CDK11B: variants seen among roughly 807,000 people sequenced by gnomAD.
The protein encoded by CDK11B is cyclin-dependent kinase 11B.
Under a neutral mutation model 84.0 loss-of-function variants are expected in CDK11B, and 37 were observed. That is an observed-to-expected ratio of 0.44 (90% CI 0.34 to 0.58). The LOEUF is 0.58. Ranked by LOEUF, CDK11B falls within the 20% of genes least tolerant of loss-of-function variation. The pLI is 0.02. For missense variants in CDK11B, 427 were observed against 834.0 expected (o/e 0.51, Z 6.01); for synonymous variants, 269 against 309.8 (o/e 0.87, Z 1.38).
intron 4 of CDK11B, among the ~76,000 whole-genome samples, chr1:1,651,302 G>A (rs1641969269): frequency 6.6e-6 from 1 of 152,210 alleles, no homozygotes; most frequent in African/African-American, 2.4e-5. Flanking sequence ...AAACCCCAGA[G>A]GAAAAATGGA....
At chr1:1,639,997 CAGCAG>C (rs1269348637) in intron 11 of CDK11B, among the ~76,000 whole-genome samples, 6 of 151,666 alleles carry the variant, frequency 4.0e-5, no homozygotes, top group Non-Finnish European at 7.4e-5. Context: ...GCAACTCGGG[CAGCAG>C]TGACAGCAGC....
At chr1:1,641,393 C>T (rs1227381471) in intron 9 of CDK11B, among the ~76,000 whole-genome samples, 1 of 148,050 alleles carries the variant, frequency 6.8e-6, no homozygotes. Flanking sequence ...CCTGTACTCC[C>T]AGCTACTTGG....
At chr1:1,636,604 G>C in intron 17 of CDK11B, 78 bp downstream of exon 17, 5 of 1,596,336 alleles carry the variant, frequency 3.1e-6, no homozygotes, top group Non-Finnish European at 3.4e-6. Flanking sequence ...TCTCAACCCA[G>C]CACCTGTGCG....
At chr1:1,641,164 C>T (rs903070122) in intron 9 of CDK11B, 51 bp from the exon 10 acceptor site, 1 of 1,518,048 alleles carries the variant, frequency 6.6e-7, no homozygotes, top group African/African-American at 1.4e-5. Context: ...GCGAGTGCTG[C>T]CACAGGCAGG....
intron 11 of CDK11B, 104 bp from the exon 12 acceptor site, chr1:1,638,694 C>T: frequency 1.6e-6 from 2 of 1,262,486 alleles, no homozygotes; most frequent in Non-Finnish European, 2.3e-6. Flanking sequence ...AGGTGCAGGG[C>T]AGAGCCTTGG....
At position 1,640,250 on chromosome 1, in the gene CDK11B, T is replaced by C. The variant is rs78361857; in HGVS notation, c.1251+27A>G. 3,925 of 1,602,212 alleles carry C rather than the reference T, an allele frequency of 2.4e-3. 109 individuals carry two copies. Among genetic ancestry groups the C allele is most frequent in the South Asian group, 0.022 (1,983 of 88,888 alleles). On this transcript the variant is annotated intron_variant, in intron 11 of 19. Transcript: ENST00000341832. ...TAACTCCGACTGCCAATGCGGACAGTGGCCCGGGGCGAGGGGAGGGCCTGA... is the reference window on the plus strand; with the variant it reads ...TAACTCCGACTGCCAATGCGGACAGCGGCCCGGGGCGAGGGGAGGGCCTGA...
rs1187499198 is a variant in CDK11B, at chr1:1,639,794, C to T, written c.1251+483G>A. ...CTTCTCAGGCTTGTCCCTTCCAAAT[C>T]GCTCCCAACAATATCCTGCCTTATT... On this transcript the variant is annotated intron_variant, in intron 11 of 19. Coordinates refer to ENST00000341832, the MANE Select transcript of CDK11B (RefSeq NM_033486.3). 3.9e-5 allele frequency among the ~76,000 whole-genome samples: 6 copies of T among 152,084 alleles called. 1 individual carries two copies. The highest frequency in any genetic ancestry group is 5.9e-5 in the Non-Finnish European group (4 of 67,952).
At chr1:1,639,844 C>A (rs1393310794) in intron 11 of CDK11B, among the ~76,000 whole-genome samples, 2 of 151,978 alleles carry the variant, frequency 1.3e-5, no homozygotes, top group East Asian at 3.9e-4. Flanking sequence ...CAAAAGGCTT[C>A]TGGTCACACA....
chr1:1,652,868 G>T (rs1282906028), intron 3 of CDK11B, among the ~76,000 whole-genome samples: 1 of 152,026 alleles, frequency 6.6e-6, no homozygotes, highest in Non-Finnish European at 1.5e-5. Flanking sequence ...TGGGACTACA[G>T]GCGCCCGCCG....
At position 1,640,518 on chromosome 1, in the gene CDK11B, G is replaced by A. The variant is rs1372611635; in HGVS notation, c.1076-66C>T. The A allele has an allele frequency of 1.8e-5, 29 of 1,610,828 alleles. 1 individual carries two copies. Among genetic ancestry groups the A allele is most frequent in the South Asian group, 6.6e-5 (6 of 90,634 alleles). On this transcript the variant is annotated intron_variant, in intron 10 of 19. Coordinates refer to ENST00000341832, the MANE Select transcript of CDK11B (RefSeq NM_033486.3). The stretch of plus-strand genomic sequence containing the variant: ...AGGATCATGAACCTCCTCCTGCCCC[G>A]GGGGCATCAAGCGCGTGGCAGGGCT...
chr1:1,637,475 G>T lies in CDK11B; in HGVS notation c.1503C>A (p.Ile501=). 6.2e-7 allele frequency: 1 copy of T among 1,613,692 alleles called. No homozygotes were observed. The highest frequency in any genetic ancestry group is 8.5e-7 in the Non-Finnish European group (1 of 1,179,672). ...GGTCGTGCTCCACATAGTTCATCAC[G>T]ATGTAGATCTTGTCCATGTTGCTGC... ...VVGSNMDKIY[I]VMNYVEHDLK... The change falls in exon 14 of 20, where the codon ATC becomes ATA. Residue 501 remains isoleucine, a synonymous_variant. Transcript: ENST00000341832.
chr1:1,649,257 G>A (rs1641583377), intron 5 of CDK11B, among the ~76,000 whole-genome samples: 1 of 152,064 alleles, frequency 6.6e-6, no homozygotes. Context: ...CCGCCACCAT[G>A]CCCAGCTAAT....
At chr1:1,658,782 T>G (rs1344380701) in intron 1 of CDK11B, 132 bp downstream of exon 1, 6 of 153,400 alleles carry the variant, frequency 3.9e-5, no homozygotes, top group Admixed American at 3.3e-4. Context: ...GGGATGAGAC[T>G]GTCCGCGGAA....
intron 4 of CDK11B, among the ~76,000 whole-genome samples, chr1:1,650,959 A>G (rs1400314579): frequency 6.6e-6 from 1 of 152,228 alleles, no homozygotes; most frequent in Admixed American, 6.5e-5. Context: ...TGAATAAACT[A>G]TAATTATCAG....
Position 1,636,914 on chromosome 1 carries a change from G to A in CDK11B, c.1783C>T (p.Leu595=), listed in dbSNP as rs368408810. Residue 595 remains leucine (L), a synonymous_variant, in exon 16 of 20, where the codon CTG becomes TTG. Transcript: ENST00000341832. ...VVTLWYRAPE[L]LLGAKEYSTA... is the part of the protein sequence containing the mutation. The stretch of plus-strand genomic sequence containing the variant: ...GGACTCACCTTGGCACCAAGCAGCA[G>A]CTCTGGGGCGCGGTACCACAGGGTC... 5 of 1,606,072 alleles carry A rather than the reference G, an allele frequency of 3.1e-6. No individual in the cohort carries two copies. The African/African-American group carries it at 5.3e-5, about 17-fold the overall frequency.
rs749127161 is a variant in CDK11B at position 1,636,380 on chromosome 1, C to T, written c.2019G>A (p.Lys673=). The part of the protein sequence containing the change: ...FSEHPYNNLR[K]RFGALLSDQG... Reference sequence around the variant, plus strand: ...GGTCTGAGAGCAGAGCCCCGAAGCGCTTGCGGAGGTTGTTGTAGGGGTGCT... The same window carrying T: ...GGTCTGAGAGCAGAGCCCCGAAGCGTTTGCGGAGGTTGTTGTAGGGGTGCT... The change falls in exon 18 of 20, where the codon AAG becomes AAA. Residue 673 remains lysine, a synonymous_variant. Coordinates refer to ENST00000341832, the MANE Select transcript of CDK11B (RefSeq NM_033486.3). The T allele has an allele frequency of 1.2e-6, 2 of 1,605,906 alleles. No individual in the cohort carries two copies. Among genetic ancestry groups the T allele is most frequent in the East Asian group, 4.5e-5 (2 of 44,544 alleles).
intron 15 of CDK11B, 27 bp from the exon 16 acceptor site, chr1:1,637,031 G>A: frequency 6.2e-7 from 1 of 1,613,116 alleles, no homozygotes; most frequent in Non-Finnish European, 8.5e-7. Flanking sequence ...GCGGCTGTGA[G>A]TGGGCCCCGG....
chr1:1,647,568 T>C (rs566931312), intron 5 of CDK11B, among the ~76,000 whole-genome samples: 3 of 152,380 alleles, frequency 2.0e-5, no homozygotes, highest in Non-Finnish European at 4.4e-5. Context: ...GGCCCACGGC[T>C]GTGTGTGGAC....
chr1:1,649,603 C>T lies in CDK11B; in HGVS notation c.390G>A (p.Glu130=). The change falls in exon 5 of 20, where the codon GAG becomes GAA. Residue 130 remains glutamate, a synonymous_variant. Transcript: ENST00000341832. ...CTCGATGCCGTTTCCGACGTTCGTG[C>T]TCTCTTTCTTTTTCTTTCACTCTAG... The part of the protein sequence containing the change: ...KHARVKEKER[E]HERRKRHREE... The T allele has an allele frequency of 1.2e-6, 2 of 1,609,166 alleles. No homozygotes were observed. The highest frequency in any genetic ancestry group is 1.7e-6 in the Non-Finnish European group (2 of 1,175,736).
Sources: gnomAD v4.1 joint callset for allele counts (sites outside exome capture counted in the v4.1 genomes callset) on GRCh38, gnomAD v4.1.1 for gene constraint, MANE v1.5 for transcripts, NCBI Gene and HGNC (gene_info 2026-07-23, HGNC 2026-07-21) for gene names.